EHBP1: variants seen among roughly 807,000 people sequenced by gnomAD.
EHBP1 encodes the protein EH domain binding protein 1.
Under a neutral mutation model 144.0 loss-of-function variants are expected in EHBP1, and 55 were observed. That is an observed-to-expected ratio of 0.38 (90% CI 0.31 to 0.48). The LOEUF (loss-of-function observed/expected upper bound fraction) is 0.48, where lower values mean the gene tolerates loss of function less well. Among genes scored for constraint, EHBP1 ranks in the 20% least tolerant of loss-of-function variants. The probability of loss-of-function intolerance (pLI) is 0.98; values close to 1 mark genes in which losing one functional copy is unlikely to be tolerated. For synonymous variants in EHBP1, 469 were observed against 472.7 expected (o/e 0.99, Z 0.10); for missense variants, 1,200 against 1,364.2 (o/e 0.88, Z 1.90).
At chr2:62,708,376 G>A (rs2034802935) in intron 2 of EHBP1, among the ~76,000 whole-genome samples, 1 of 152,190 alleles carries the variant, frequency 6.6e-6, no homozygotes, top group African/African-American at 2.4e-5. Flanking sequence ...CTCAAGGAGT[G>A]TGCAGTCCAG....
At chr2:62,846,971 G>T (rs1011418829) in intron 7 of EHBP1, among the ~76,000 whole-genome samples, 2 of 152,016 alleles carry the variant, frequency 1.3e-5, no homozygotes, top group Non-Finnish European at 2.9e-5. Context: ...TAAAAATAAA[G>T]AAATTCAAAA....
intron 6 of EHBP1, among the ~76,000 whole-genome samples, chr2:62,828,578 G>A (rs1050401098): frequency 9.9e-5 from 15 of 152,064 alleles, no homozygotes; most frequent in African/African-American, 3.4e-4. Flanking sequence ...ACTTTTGGGC[G>A]GTTATGGCCC....
rs1046236231 is a variant in EHBP1 at position 62,728,857 on chromosome 2, T to C, written c.105-18538T>C. On this transcript the variant is annotated intron_variant, in intron 2 of 22. Transcript: ENST00000431489. ...CAAAGTCACAAAGATTTACTACTTCTATTTTTTATAAGAGTTTTATAATTT... is the reference window on the plus strand; with the variant it reads ...CAAAGTCACAAAGATTTACTACTTCCATTTTTTATAAGAGTTTTATAATTT... Among the ~76,000 whole-genome samples the C allele has an allele frequency of 3.3e-5, 5 of 152,072 alleles. No homozygotes were observed. The East Asian group carries it at 5.8e-4, about 18-fold the overall frequency.
chr2:62,976,351 G>A (rs920656165), intron 14 of EHBP1, among the ~76,000 whole-genome samples: 1 of 152,160 alleles, frequency 6.6e-6, no homozygotes, highest in Non-Finnish European at 1.5e-5. Flanking sequence ...CTGGGCTTGA[G>A]TTCTACCCAT....
At chr2:62,686,221 G>A (rs2033713612) in intron 1 of EHBP1, among the ~76,000 whole-genome samples, 1 of 152,124 alleles carries the variant, frequency 6.6e-6, no homozygotes, top group Admixed American at 6.5e-5. Flanking sequence ...TAAACCACAG[G>A]TCCTTTGTGG....
At chr2:63,027,658 A>G (rs2061038790) in intron 19 of EHBP1, among the ~76,000 whole-genome samples, 1 of 152,172 alleles carries the variant, frequency 6.6e-6, no homozygotes, top group South Asian at 2.1e-4. Flanking sequence ...TCCCCTATAG[A>G]TATTTAGGAA....
chr2:62,794,837 C>T (rs1031962331), intron 5 of EHBP1, among the ~76,000 whole-genome samples: 6 of 151,998 alleles, frequency 3.9e-5, no homozygotes, highest in African/African-American at 1.2e-4. Flanking sequence ...ACACTTCAAA[C>T]TACTTAAATG....
intron 7 of EHBP1, among the ~76,000 whole-genome samples, chr2:62,848,069 G>A (rs1253454129): frequency 6.7e-6 from 1 of 149,886 alleles, no homozygotes; most frequent in Non-Finnish European, 1.5e-5. Flanking sequence ...ATCACATAAT[G>A]AGTGTCTTTT....
chr2:62,910,731 A>G (rs949591676), intron 10 of EHBP1, among the ~76,000 whole-genome samples: 5 of 152,166 alleles, frequency 3.3e-5, no homozygotes, highest in Non-Finnish European at 7.3e-5. Flanking sequence ...TTCACCCTTA[A>G]AAAGCATGCC....
chr2:62,723,620 C>G (rs2036451673), intron 2 of EHBP1, among the ~76,000 whole-genome samples: 1 of 152,176 alleles, frequency 6.6e-6, no homozygotes, highest in Non-Finnish European at 1.5e-5. Flanking sequence ...TGGAAACAGT[C>G]TTTCCTTTCC....
At chr2:62,857,842 C>CT (rs1256833737) in intron 7 of EHBP1, among the ~76,000 whole-genome samples, 1 of 150,714 alleles carries the variant, frequency 6.6e-6, no homozygotes, top group Non-Finnish European at 1.5e-5. Flanking sequence ...CTAAAGTTGC[C>CT]TTAAAAGAAC....
chr2:62,750,963 G>A lies in EHBP1; in HGVS notation c.162+3511G>A, dbSNP rs577612638. Among the ~76,000 whole-genome samples, 134 of 152,108 alleles carry A rather than the reference G, an allele frequency of 8.8e-4. 1 individual carries two copies. The highest frequency in any genetic ancestry group is 3.4e-3 in the Middle Eastern group (1 of 294). On this transcript the variant is annotated intron_variant, in intron 3 of 22. Transcript: ENST00000431489. ...AATTTTACTTCCTCTTTTCCTAATC[G>A]AATACCTTTATTTCTTTCTCTTGCC...
chr2:62,870,455 C>CTGTAA (rs2050369197), intron 9 of EHBP1, among the ~76,000 whole-genome samples: 2 of 151,956 alleles, frequency 1.3e-5, no homozygotes, highest in African/African-American at 4.8e-5. Flanking sequence ...TGGCTCACAC[C>CTGTAA]TGTAATCCCA....
chr2:62,920,248 G>C (rs2539988), intron 10 of EHBP1, among the ~76,000 whole-genome samples: 151,357 of 152,312 alleles, frequency 0.99, 75,205 homozygotes, highest in Middle Eastern at 1. Context: ...TGACTCATCA[G>C]AAAGGATCCT....
chr2:62,838,059 A>G (rs1417486937), intron 7 of EHBP1, among the ~76,000 whole-genome samples: 1 of 150,534 alleles, frequency 6.6e-6, no homozygotes, highest in African/African-American at 2.5e-5. Flanking sequence ...ACCACACCAC[A>G]CCTATTCCAA....
At chr2:63,042,214 G>A (rs1335416074) in intron 21 of EHBP1, among the ~76,000 whole-genome samples, 1 of 151,972 alleles carries the variant, frequency 6.6e-6, no homozygotes, top group Non-Finnish European at 1.5e-5. Context: ...ATGCGAATGT[G>A]AATCTTGATC....
intron 11 of EHBP1, 36 bp downstream of exon 11, chr2:62,942,932 A>G (rs1328359207): frequency 9.1e-6 from 13 of 1,421,862 alleles, no homozygotes; most frequent in African/African-American, 1.4e-5. Context: ...TATATTTTGT[A>G]AGTGATAGAC....
intron 2 of EHBP1, among the ~76,000 whole-genome samples, chr2:62,737,172 C>G (rs916738968): frequency 6.6e-6 from 1 of 152,158 alleles, no homozygotes; most frequent in Non-Finnish European, 1.5e-5. Context: ...AGGCTAGGTT[C>G]TAGTTAAACA....
At chr2:62,855,177 G>A (rs1375094069) in intron 7 of EHBP1, among the ~76,000 whole-genome samples, 1 of 152,224 alleles carries the variant, frequency 6.6e-6, no homozygotes, top group Non-Finnish European at 1.5e-5. Context: ...TGCTTCTGCT[G>A]TCTGGCTTCT....
Sources: allele counts gnomAD v4.1 joint callset (sites outside exome capture counted in the v4.1 genomes callset), GRCh38; gene constraint gnomAD v4.1.1; transcripts MANE v1.5; gene names NCBI Gene and HGNC (gene_info 2026-07-23, HGNC 2026-07-21).